DNAJC1: variants seen among roughly 807,000 people sequenced by gnomAD.
The protein encoded by DNAJC1 is dnaJ homolog subfamily C member 1.
DNAJC1 carries 58 observed loss-of-function variants against 76.6 expected under a neutral mutation model. The ratio of observed to expected loss-of-function variants is 0.76; its 90% CI spans 0.61 to 0.94. DNAJC1 has a LOEUF of 0.94. DNAJC1 is among the 40% of genes least tolerant of loss of function. The pLI is 0.00. For synonymous variants in DNAJC1, 258 were observed against 267.9 expected (o/e 0.96, Z 0.36); for missense variants, 689 against 677.3 (o/e 1.02, Z -0.19).
intron 6 of DNAJC1, among the ~76,000 whole-genome samples, chr10:21,909,481 A>G (rs1225653087): frequency 6.6e-6 from 1 of 152,216 alleles, no homozygotes; most frequent in African/African-American, 2.4e-5. Context: ...AAAATATGGA[A>G]TATAGAATAT....
At chr10:21,961,572 TG>T (rs1837792069) in intron 1 of DNAJC1, among the ~76,000 whole-genome samples, 2 of 152,126 alleles carry the variant, frequency 1.3e-5, no homozygotes, top group African/African-American at 4.8e-5. Context: ...GGGGTTGGTG[TG>T]GGGGAAGGGG....
chr10:21,918,221 T>C (rs1381763488), intron 6 of DNAJC1, among the ~76,000 whole-genome samples: 3 of 151,860 alleles, frequency 2.0e-5, no homozygotes, highest in Non-Finnish European at 4.4e-5. Flanking sequence ...CATCTAAATA[T>C]GATACATATC....
intron 1 of DNAJC1, among the ~76,000 whole-genome samples, chr10:21,959,506 T>G (rs575327678): frequency 1.5e-3 from 229 of 152,078 alleles, no homozygotes; most frequent in African/African-American, 5.2e-3. Flanking sequence ...TGATGAGAAA[T>G]CCGGCCAAGC....
chr10:21,800,185 G>A (rs889146157), intron 9 of DNAJC1, among the ~76,000 whole-genome samples: 1 of 152,060 alleles, frequency 6.6e-6, no homozygotes, highest in Non-Finnish European at 1.5e-5. Flanking sequence ...TGGACCCCTT[G>A]TACCAAGTCT....
intron 11 of DNAJC1, among the ~76,000 whole-genome samples, chr10:21,758,489 CTCAGAAA>C (rs1198953200): frequency 6.6e-6 from 1 of 152,220 alleles, no homozygotes; most frequent in Non-Finnish European, 1.5e-5. Context: ...TGAGGACCAT[CTCAGAAA>C]TATCTGAGCA....
intron 1 of DNAJC1, among the ~76,000 whole-genome samples, chr10:22,000,871 C>A (rs1838507200): frequency 6.6e-6 from 1 of 152,206 alleles, no homozygotes; most frequent in Admixed American, 6.5e-5. Flanking sequence ...TTGGATTTCC[C>A]AGCCTCCAGA....
At chr10:21,879,399 G>T (rs367611525) in intron 8 of DNAJC1, among the ~76,000 whole-genome samples, 3 of 152,098 alleles carry the variant, frequency 2.0e-5, no homozygotes, top group African/African-American at 7.2e-5. Flanking sequence ...TGAGACAGGC[G>T]GATCACTTGA....
chr10:21,766,690 G>C (rs1485776691), intron 9 of DNAJC1, among the ~76,000 whole-genome samples: 1 of 151,884 alleles, frequency 6.6e-6, no homozygotes, highest in Non-Finnish European at 1.5e-5. Context: ...TACTTTCAAG[G>C]CCGGGCATGG....
intron 8 of DNAJC1, among the ~76,000 whole-genome samples, chr10:21,839,858 T>C (rs917197468): frequency 6.6e-6 from 1 of 152,184 alleles, no homozygotes; most frequent in Non-Finnish European, 1.5e-5. Context: ...CTCAGTAACA[T>C]ACTGGCAAAC....
At chr10:21,833,861 C>G (rs914121693) in intron 8 of DNAJC1, among the ~76,000 whole-genome samples, 1 of 152,088 alleles carries the variant, frequency 6.6e-6, no homozygotes, top group African/African-American at 2.4e-5. Flanking sequence ...TAATGTAAAG[C>G]ATTATACAAC....
intron 7 of DNAJC1, among the ~76,000 whole-genome samples, chr10:21,902,777 C>T (rs1014282257): frequency 5.9e-5 from 9 of 152,128 alleles, no homozygotes; most frequent in African/African-American, 2.2e-4. Flanking sequence ...AGTCTTGTTA[C>T]TACTAAATAA....
In DNAJC1 at chr10:21,836,451, T is replaced by C. The variant is rs1392682680; in HGVS notation, c.979-30352A>G. ...GCAACATAACCAGCTAACATCATAA[T>C]GACAGGATCTAATTCACACATAAAA... On this transcript the variant is annotated intron_variant, in intron 8 of 11. Transcript: ENST00000376980. Among the ~76,000 whole-genome samples, 6 of 152,290 alleles carry C rather than the reference T, an allele frequency of 3.9e-5. No homozygotes were observed. In the East Asian group the frequency reaches 1.2e-3, roughly 29 times the overall value.
intron 1 of DNAJC1, among the ~76,000 whole-genome samples, chr10:21,982,495 T>C (rs367680157): frequency 1.3e-5 from 2 of 152,274 alleles, no homozygotes; most frequent in African/African-American, 4.8e-5. Flanking sequence ...ATTTGCTAAT[T>C]ATATATCTGA....
At chr10:21,918,754 G>C (rs1185250399) in intron 6 of DNAJC1, 25 bp downstream of exon 6, 1 of 1,527,690 alleles carries the variant, frequency 6.5e-7, no homozygotes, top group African/African-American at 1.4e-5. Flanking sequence ...AAGATCTAAT[G>C]TTATATAAAA....
chr10:21,934,190 T>C (rs959766007), intron 1 of DNAJC1, among the ~76,000 whole-genome samples: 3 of 151,738 alleles, frequency 2.0e-5, no homozygotes, highest in Admixed American at 6.6e-5. Context: ...TGTTTGTGTC[T>C]TAATTTTTAA....
rs759604598 is a variant in DNAJC1 at position 21,919,956 on chromosome 10, A to G, written c.538-27T>C. On this transcript the variant is annotated intron_variant, in intron 4 of 11. Coordinates refer to ENST00000376980, the MANE Select transcript of DNAJC1 (RefSeq NM_022365.4). ...TTAATGTGGAAAGAATTATGGTTACAGGTTATCATTAACATGTACACTTCA... is the reference window on the plus strand; with the variant it reads ...TTAATGTGGAAAGAATTATGGTTACGGGTTATCATTAACATGTACACTTCA... 2.1e-6 allele frequency: 3 copies of G among 1,432,368 alleles called. No homozygotes were observed. The South Asian group carries it at 3.6e-5, about 17-fold the overall frequency. 88.7% of individuals were successfully genotyped at this position (1,432,368 alleles called of 1,614,324 possible).
At chr10:21,921,078 G>T in intron 3 of DNAJC1, 115 bp from the exon 4 acceptor site, 3 of 845,474 alleles carry the variant, frequency 3.5e-6, no homozygotes, top group Non-Finnish European at 5.3e-6. Context: ...AATAGATAAT[G>T]TTTATGTACG....
At chr10:21,838,983 C>T (rs191956375) in intron 8 of DNAJC1, among the ~76,000 whole-genome samples, 77 of 152,298 alleles carry the variant, frequency 5.1e-4, no homozygotes, top group African/African-American at 1.8e-3. Context: ...AACTGAACAA[C>T]CTGCTCCTGA....
Position 21,991,987 on chromosome 10 carries a change from G to A in DNAJC1, c.222+11226C>T, listed in dbSNP as rs147666276. On this transcript the variant is annotated intron_variant, in intron 1 of 11. Transcript: ENST00000376980. ...AACATACACGGATTTTGCTGACTTA[G>A]TACAAAAAATTAAAATGTGAAATAC... Among the ~76,000 whole-genome samples the A allele has an allele frequency of 9.2e-5, 14 of 152,300 alleles. No individual in the cohort carries two copies. In the East Asian group the frequency reaches 2.5e-3, roughly 27 times the overall value.
Sources: gnomAD v4.1 joint callset for allele counts (sites outside exome capture counted in the v4.1 genomes callset) on GRCh38, gnomAD v4.1.1 for gene constraint, MANE v1.5 for transcripts, NCBI Gene and HGNC (gene_info 2026-07-23, HGNC 2026-07-21) for gene names.